The following SCN7A variants were observed in gnomAD, a reference collection of about 807,000 sequenced individuals.
SCN7A encodes sodium voltage-gated channel alpha subunit 7.
SCN7A carries 138 observed loss-of-function variants against 155.2 expected under a neutral mutation model. The observed-to-expected ratio is 0.89, with a 90% confidence interval of 0.77 to 1.02. SCN7A has a LOEUF of 1.02. SCN7A is among the 50% of genes least tolerant of loss of function. The pLI is 0.00. For synonymous variants in SCN7A, 693 were observed against 649.0 expected (o/e 1.07, Z -1.03); for missense variants, 2,058 against 1,986.6 (o/e 1.04, Z -0.68).
At chr2:166,464,695 G>T (rs565812341) in intron 9 of SCN7A, among the ~76,000 whole-genome samples, 33 of 152,100 alleles carry the variant, frequency 2.2e-4, no homozygotes, top group Non-Finnish European at 4.6e-4. Context: ...CTCTTTGCAC[G>T]CCAGGACAAC....
At chr2:166,475,137 T>TATACGTATATATATATATATAC (rs1553520569) in intron 3 of SCN7A, among the ~76,000 whole-genome samples, 5 of 133,868 alleles carry the variant, frequency 3.7e-5, no homozygotes, top group African/African-American at 1.3e-4. Context: ...TATATATATA[T>TATACGTATATATATATATATAC]ACACACACAC....
In SCN7A at chr2:166,405,022, T is replaced by G. The variant is rs1245175815; in HGVS notation, c.*558A>C. 1 of 151,864 alleles carries G rather than the reference T, an allele frequency of 6.6e-6. No homozygotes were observed. The highest frequency in any genetic ancestry group is 1.5e-5 in the Non-Finnish European group (1 of 67,930). 9.4% of individuals were successfully genotyped at this position (151,864 alleles called of 1,614,324 possible). A position where few individuals can be genotyped will look rare whatever the true frequency, so the allele number is the denominator to read the frequency against. ...AAAATAAACACAGAGCTTCAACCAA[T>G]CTTTTTCAAATGCAGTTTTAATCAG... On this transcript the variant is annotated 3_prime_UTR_variant, in exon 26 of 26. Coordinates refer to ENST00000643258, the MANE Select transcript of SCN7A (RefSeq NM_002976.4).
In SCN7A at chr2:166,410,217, T is replaced by A. The variant is rs888905247; in HGVS notation, c.3711+3A>T. On this transcript the variant is annotated splice_donor_region_variant and intron_variant, in intron 24 of 25. Transcript: ENST00000643258. ...GTTTCAAAAAATCTAGACATTTTCT[T>A]ACTAATGGGCGAGGTACTGGTCTTT... 5 of 1,533,402 alleles carry A rather than the reference T, an allele frequency of 3.3e-6. No individual in the cohort carries two copies. Among genetic ancestry groups the A allele is most frequent in the Non-Finnish European group, 4.4e-6 (5 of 1,136,858 alleles). 95.0% of individuals were successfully genotyped at this position (1,533,402 alleles called of 1,614,324 possible).
chr2:166,482,903 G>T (rs1396216795), intron 2 of SCN7A, among the ~76,000 whole-genome samples: 3 of 151,932 alleles, frequency 2.0e-5, no homozygotes, highest in Non-Finnish European at 4.4e-5. Context: ...TATGTAATAT[G>T]GTCCACGCAC....
intron 10 of SCN7A, among the ~76,000 whole-genome samples, chr2:166,458,518 C>T (rs1275577960): frequency 6.6e-6 from 1 of 152,080 alleles, no homozygotes; most frequent in Non-Finnish European, 1.5e-5. Context: ...AACAACTATA[C>T]AGTCTCATAC....
Position 166,477,482 on chromosome 2 carries a change from T to C in SCN7A, c.215A>G (p.Tyr72Cys), listed in dbSNP as rs1439303548. ...ACTCACATTTTTTTTCTTGTAGTAATATGGGTCCACATCTTCCAAGGGCTC... is the reference window on the plus strand; with the variant it reads ...ACTCACATTTTTTTTCTTGTAGTAACATGGGTCCACATCTTCCAAGGGCTC... ...VSEPLEDVDPYYYKKKNTFIV... is the reference protein window; with the variant it reads ...VSEPLEDVDPCYYKKKNTFIV... The change falls in exon 3 of 26, where the codon TAT becomes TGT. Residue 72 changes from tyrosine (Y) to cysteine (C), a missense_variant. By Grantham distance (194) the Tyr-to-Cys change is radical. Transcript: ENST00000643258. 1 of 1,530,820 alleles carries C rather than the reference T, an allele frequency of 6.5e-7. No homozygotes were observed. Among genetic ancestry groups the C allele is most frequent in the Non-Finnish European group, 8.8e-7 (1 of 1,138,222 alleles). The allele number at this position is 1,530,820 out of a possible 1,614,324, so 94.8% of individuals were successfully genotyped here.
At chr2:166,422,813 G>C (rs1701538508) in intron 19 of SCN7A, among the ~76,000 whole-genome samples, 2 of 152,122 alleles carry the variant, frequency 1.3e-5, no homozygotes, top group African/African-American at 2.4e-5. Context: ...CAGAATGATG[G>C]TATGCAGGGC....
At position 166,474,234 on chromosome 2, in the gene SCN7A, CA is replaced by C; in HGVS notation, c.344del (p.Leu115TrpfsTer11). The C allele has an allele frequency of 6.8e-7, 1 of 1,475,956 alleles. No homozygotes were observed. The highest frequency in any genetic ancestry group is 9.1e-7 in the Non-Finnish European group (1 of 1,097,132). 91.4% of individuals were successfully genotyped at this position (1,475,956 alleles called of 1,614,324 possible). A position where few individuals can be genotyped will look rare whatever the true frequency, so the allele number is the denominator to read the frequency against. ...TCAACAGAAAAGGATATGGATGTAC[CA>C]AAACCTTGATAGTTGTTCTTCTAAT... ...NCIRRTTIKV[L>X]VHPFFQLFIL... On this transcript the variant is annotated frameshift_variant, in exon 4 of 26. Coordinates refer to ENST00000643258, the MANE Select transcript of SCN7A (RefSeq NM_002976.4). LOFTEE classifies it high-confidence loss of function.
intron 1 of SCN7A, among the ~76,000 whole-genome samples, chr2:166,493,539 G>C (rs566387375): frequency 2.6e-5 from 4 of 152,274 alleles, no homozygotes; most frequent in African/African-American, 9.6e-5. Flanking sequence ...ATTCCTTTGG[G>C]AAAATCAATC....
chr2:166,467,037 T>G (rs1166981815), intron 7 of SCN7A, among the ~76,000 whole-genome samples: 1 of 151,928 alleles, frequency 6.6e-6, no homozygotes, highest in East Asian at 1.9e-4. Context: ...ATTTATAGCC[T>G]CCTTTTACCA....
At chr2:166,414,038 A>AC (rs1701269827) in intron 21 of SCN7A, among the ~76,000 whole-genome samples, 9 of 80,722 alleles carry the variant, frequency 1.1e-4, no homozygotes, top group Non-Finnish European at 1.7e-4. Context: ...ATATAAATAT[A>AC]TTTATATATG....
chr2:166,408,083 C>A (rs1701115418), intron 25 of SCN7A, among the ~76,000 whole-genome samples: 1 of 151,974 alleles, frequency 6.6e-6, no homozygotes, highest in African/African-American at 2.4e-5. Context: ...CTCATTCTTC[C>A]CCACTCCACT....
At chr2:166,434,235 C>A (rs1427057037) in intron 15 of SCN7A, among the ~76,000 whole-genome samples, 1 of 152,076 alleles carries the variant, frequency 6.6e-6, no homozygotes, top group African/African-American at 2.4e-5. Flanking sequence ...CTATCTAGAT[C>A]TTCCTATTTC....
intron 2 of SCN7A, among the ~76,000 whole-genome samples, chr2:166,481,981 T>C (rs1290523044): frequency 6.6e-6 from 1 of 152,108 alleles, no homozygotes; most frequent in East Asian, 1.9e-4. Flanking sequence ...ACATCAGACC[T>C]TCCCCTTAAC....
chr2:166,451,889 T>C (rs2105454554), intron 11 of SCN7A, among the ~76,000 whole-genome samples: 1 of 152,170 alleles, frequency 6.6e-6, no homozygotes, highest in East Asian at 1.9e-4. Context: ...GGTCTATTTT[T>C]CCTTTTTCAT....
chr2:166,438,499 A>T (rs1330290391), intron 15 of SCN7A, among the ~76,000 whole-genome samples: 1 of 152,096 alleles, frequency 6.6e-6, no homozygotes, highest in East Asian at 1.9e-4. Flanking sequence ...TTTTTCTACA[A>T]CTCAACAAGA....
chr2:166,489,331 G>A (rs1045742654), intron 1 of SCN7A, among the ~76,000 whole-genome samples: 1 of 152,222 alleles, frequency 6.6e-6, no homozygotes, highest in African/African-American at 2.4e-5. Flanking sequence ...CTCTGGACAT[G>A]AGTGAAGTGT....
intron 8 of SCN7A, 101 bp downstream of exon 8, chr2:166,465,680 G>A: frequency 7.3e-7 from 1 of 1,364,314 alleles, no homozygotes; most frequent in East Asian, 2.3e-5. Flanking sequence ...CAGCGCCTTT[G>A]GGAATCTAAC....
At chr2:166,441,309 C>A (rs1163940998) in intron 15 of SCN7A, 87 bp downstream of exon 15, 3 of 909,748 alleles carry the variant, frequency 3.3e-6, no homozygotes, top group African/African-American at 3.4e-5. Context: ...AGTTACAGAC[C>A]ATTAGATCCC....
Sources: gnomAD v4.1 joint callset for allele counts (sites outside exome capture counted in the v4.1 genomes callset) on GRCh38, gnomAD v4.1.1 for gene constraint, MANE v1.5 for transcripts, NCBI Gene and HGNC (gene_info 2026-07-23, HGNC 2026-07-21) for gene names.